Variants in ASTN1 observed in about 807,000 individuals in gnomAD.
ASTN1 encodes the protein astrotactin 1.
In ASTN1, 41 loss-of-function variants were observed where a neutral mutation model predicts 140.7. The ratio of observed to expected loss-of-function variants is 0.29; its 90% confidence interval spans 0.23 to 0.38. The LOEUF is 0.38. ASTN1 is among the 10% of genes least tolerant of loss of function. ASTN1 has a pLI of 1.00. For missense variants in ASTN1, 1,479 were observed against 1,678.8 expected (o/e 0.88, Z 2.08); for synonymous variants, 640 against 652.2 (o/e 0.98, Z 0.29).
At chr1:177,068,271 C>G (rs1373217660) in intron 1 of ASTN1, among the ~76,000 whole-genome samples, 1 of 152,254 alleles carries the variant, frequency 6.6e-6, no homozygotes, top group African/African-American at 2.4e-5. Context: ...GCAATGGCCA[C>G]AGAACTATGT....
intron 16 of ASTN1, among the ~76,000 whole-genome samples, chr1:176,901,766 C>T (rs1411308365): frequency 1.3e-5 from 2 of 152,038 alleles, no homozygotes; most frequent in Non-Finnish European, 2.9e-5. Flanking sequence ...AGAGTAAACA[C>T]ACCTTTCTTT....
intron 1 of ASTN1, among the ~76,000 whole-genome samples, chr1:177,099,660 C>T (rs1432116669): frequency 6.6e-6 from 1 of 152,094 alleles, no homozygotes; most frequent in Non-Finnish European, 1.5e-5. Flanking sequence ...AGCAGATATT[C>T]CCCTCCTGTG....
rs528560767 is a variant in ASTN1, at chr1:177,047,116, C to G, written c.471+13962G>C. The stretch of plus-strand genomic sequence containing the variant: ...GGAGCTTACACTCAGGGGAGATAGG[C>G]TTATGCACAGGTAAGGATGATGCAG... On this transcript the variant is annotated intron_variant, in intron 2 of 22. Coordinates refer to ENST00000361833, the MANE Select transcript of ASTN1 (RefSeq NM_004319.3). 1.0e-3 allele frequency among the ~76,000 whole-genome samples: 154 copies of G among 152,282 alleles called. 3 individuals carry two copies. Among genetic ancestry groups the G allele is most frequent in the Non-Finnish European group, 1.6e-3 (112 of 68,020 alleles).
intron 15 of ASTN1, 93 bp from the exon 16 acceptor site, chr1:176,934,433 T>C: frequency 7.7e-7 from 1 of 1,293,446 alleles, no homozygotes; most frequent in Non-Finnish European, 1.1e-6. Context: ...TGGAAGTGCC[T>C]GTGTGGCTCA....
In ASTN1 at chr1:176,943,914, G is replaced by T. The variant is rs1671842190; in HGVS notation, c.2354C>A (p.Thr785Asn). Residue 785 changes from threonine to asparagine, a missense_variant, in exon 14 of 23, where the codon ACC (threonine) becomes AAC (asparagine). By Grantham distance (65) the Thr-to-Asn change is moderately conservative (BLOSUM62 0). Around this residue, in one of 3 missense-constraint regions of ASTN1, gnomAD observed 746 missense variants for 800.9 expected, o/e 0.93. Coordinates refer to ENST00000361833, the MANE Select transcript of ASTN1 (RefSeq NM_004319.3). The stretch of plus-strand genomic sequence containing the variant: ...ACCAGTCAGGAAGTCAGGGTCAGGG[G>T]TGGGCTCCGAGATCTCCTCTAGGCA... The part of the protein sequence containing the change: ...NQCLEEISEP[T>N]PDPDFLTGMV... 6.2e-7 allele frequency: 1 copy of T among 1,611,298 alleles called. No homozygotes were observed. Among genetic ancestry groups the T allele is most frequent in the African/African-American group, 1.3e-5 (1 of 74,954 alleles).
At chr1:177,151,959 G>A (rs1237387844) in intron 1 of ASTN1, among the ~76,000 whole-genome samples, 1 of 152,072 alleles carries the variant, frequency 6.6e-6, no homozygotes, top group Non-Finnish European at 1.5e-5. Flanking sequence ...TGCTTTTTTA[G>A]GTTATGTCCT....
chr1:176,882,905 T>G lies in ASTN1; in HGVS notation c.3316A>C (p.Thr1106Pro). The G allele has an allele frequency of 1.9e-6, 3 of 1,614,056 alleles. No individual in the cohort carries two copies. The highest frequency in any genetic ancestry group is 1.6e-4 in the Middle Eastern group (1 of 6,062). ...AGGCATCGTATGATCAGAGAGATGG[T>G]GGTGAGCTGCTTGTCCGGCACCTGA... is the stretch of plus-strand genomic sequence containing the variant. ...PSQVPDKQLTTISLIIRCLEP... is the reference protein window; with the variant it reads ...PSQVPDKQLTPISLIIRCLEP... The change falls in exon 20 of 23, where the codon ACC (threonine) becomes CCC (proline). Residue 1106 changes from threonine to proline, a missense_variant. Thr to Pro is a conservative substitution (Grantham distance 38). Transcript: ENST00000361833.
chr1:177,122,670 ACTC>A (rs1681461043), intron 1 of ASTN1, among the ~76,000 whole-genome samples: 1 of 151,840 alleles, frequency 6.6e-6, no homozygotes, highest in African/African-American at 2.4e-5. Flanking sequence ...GCATCTGGCC[ACTC>A]CACACTGCTT....
intron 18 of ASTN1, among the ~76,000 whole-genome samples, chr1:176,886,228 T>C (rs1669025272): frequency 6.6e-6 from 1 of 152,216 alleles, no homozygotes; most frequent in African/African-American, 2.4e-5. Flanking sequence ...TGATCAGTTG[T>C]CAAGAAAAGG....
At chr1:177,060,753 G>C (rs1678042754) in intron 2 of ASTN1, among the ~76,000 whole-genome samples, 1 of 152,152 alleles carries the variant, frequency 6.6e-6, no homozygotes, top group South Asian at 2.1e-4. Context: ...CGTCCATCTT[G>C]GTTTCCCAAA....
Position 176,945,953 on chromosome 1 carries a change from G to T in ASTN1, c.2222C>A (p.Ala741Asp). Reference sequence around the variant, plus strand: ...GAATGTTCCTTTCAGCACCTGTCCGGCAGCCACTTCCTTGGAATGGTTGTT... The same window carrying T: ...GAATGTTCCTTTCAGCACCTGTCCGTCAGCCACTTCCTTGGAATGGTTGTT... ...GYNNHSKEVA[A>D]GQVLKGTFRQ... Residue 741 changes from alanine to aspartate, a missense_variant, in exon 13 of 23, where the codon GCC becomes GAC. Physicochemically the swap from Ala to Asp is moderately radical, Grantham distance 126. Coordinates refer to ENST00000361833, the MANE Select transcript of ASTN1 (RefSeq NM_004319.3). The T allele has an allele frequency of 6.2e-7, 1 of 1,612,336 alleles. No individual in the cohort carries two copies. The highest frequency in any genetic ancestry group is 1.1e-5 in the South Asian group (1 of 90,850).
intron 20 of ASTN1, among the ~76,000 whole-genome samples, chr1:176,879,187 T>C (rs1434767745): frequency 6.6e-6 from 1 of 152,208 alleles, no homozygotes; most frequent in Non-Finnish European, 1.5e-5. Flanking sequence ...CCTGCACCCC[T>C]GACTGTGTGT....
intron 1 of ASTN1, among the ~76,000 whole-genome samples, chr1:177,121,146 G>A (rs765481850): frequency 7.2e-5 from 11 of 151,912 alleles, no homozygotes; most frequent in Admixed American, 2.0e-4. Context: ...GGAACAAAAG[G>A]TTTTGGGTTT....
At chr1:177,164,278 A>G (rs1419160890) in intron 1 of ASTN1, 116 bp downstream of exon 1, 3 of 1,071,526 alleles carry the variant, frequency 2.8e-6, no homozygotes, top group Non-Finnish European at 3.8e-6. Flanking sequence ...CGGATCCGGG[A>G]GGTAGGAGTG....
intron 1 of ASTN1, among the ~76,000 whole-genome samples, chr1:177,153,561 CA>C (rs1451683663): frequency 6.6e-6 from 1 of 151,634 alleles, no homozygotes; most frequent in African/African-American, 2.4e-5. Flanking sequence ...TATTTAAATG[CA>C]AAAAATAAAG....
intron 1 of ASTN1, among the ~76,000 whole-genome samples, chr1:177,112,076 C>T (rs1233398748): frequency 6.6e-6 from 1 of 152,190 alleles, no homozygotes. Flanking sequence ...CTTATCAGAG[C>T]TGAATGGCAA....
At position 176,882,950 on chromosome 1, in the gene ASTN1, A is replaced by G; in HGVS notation, c.3271T>C (p.Ser1091Pro). Residue 1091 changes from serine to proline, a missense_variant, in exon 20 of 23, where the codon TCT (serine) becomes CCT (proline). Around this residue, in one of 3 missense-constraint regions of ASTN1, gnomAD observed 746 missense variants for 800.9 expected, o/e 0.93. Transcript: ENST00000361833. ...FVDDIISGAK[S>P]PCAMPSQVPD... is the part of the protein sequence containing the mutation. ...ACCTGAGATGGCATTGCACAAGGAG[A>G]CTTTGCTCCAGAGATGATGTCGTCC... The G allele has an allele frequency of 1.9e-6, 3 of 1,614,108 alleles. No individual in the cohort carries two copies. The highest frequency in any genetic ancestry group is 2.5e-6 in the Non-Finnish European group (3 of 1,180,008).
intron 1 of ASTN1, among the ~76,000 whole-genome samples, chr1:177,156,692 TG>T (rs1332195588): frequency 6.6e-6 from 1 of 152,190 alleles, no homozygotes; most frequent in Non-Finnish European, 1.5e-5. Flanking sequence ...CCCATTCCTT[TG>T]GAATAGTCTG....
intron 2 of ASTN1, among the ~76,000 whole-genome samples, chr1:177,048,732 G>C (rs1677378306): frequency 6.6e-6 from 1 of 152,158 alleles, no homozygotes; most frequent in South Asian, 2.1e-4. Context: ...TCAAACCCAG[G>C]AGGCTCCTAG....
Sources: gnomAD v4.1 joint callset for allele counts (sites outside exome capture counted in the v4.1 genomes callset) on GRCh38, gnomAD v4.1.1 for gene constraint, gnomAD v4.1.1 regional missense constraint, MANE v1.5 for transcripts, NCBI Gene and HGNC (gene_info 2026-07-23, HGNC 2026-07-21) for gene names.